CHM: variants seen among roughly 807,000 people sequenced by gnomAD.
The protein encoded by CHM is rab proteins geranylgeranyltransferase component A 1.
CHM carries 10 observed loss-of-function variants against 49.0 expected under a neutral mutation model. The observed-to-expected ratio is 0.20, with a 90% CI of 0.13 to 0.35. CHM has a LOEUF of 0.35. Ranked by LOEUF, CHM falls within the 10% of genes least tolerant of loss-of-function variation. The pLI is 1.00. For missense variants in CHM, 455 were observed against 478.4 expected (o/e 0.95, Z 0.46); for synonymous variants, 184 against 167.5 (o/e 1.10, Z -0.76).
chrX:85,904,759 A>G (rs62608229), intron 9 of CHM, among the ~76,000 whole-genome samples: 19,011 of 110,964 alleles, frequency 0.17, 1,541 homozygotes, highest in Non-Finnish European at 0.25. Flanking sequence ...AAAACACTCT[A>G]CTAGTTCTAA....
intron 2 of CHM, among the ~76,000 whole-genome samples, chrX:86,001,626 GA>G (rs969742254): frequency 9.1e-6 from 1 of 110,176 alleles, no homozygotes; most frequent in African/African-American, 3.3e-5. Context: ...TAAACAACCA[GA>G]ACTCACGTGA....
rs1156779489 is a variant in CHM, at chrX:85,861,277, GAAT to G, written c.*3350_*3352del. On this transcript the variant is annotated 3_prime_UTR_variant, in exon 15 of 15. Transcript: ENST00000357749. The stretch of plus-strand genomic sequence containing the variant: ...TATTCATGCTTTTTGAAATATATCT[GAAT>G]AAAAGACAAATTATTCAATATCAAT... 45 of 111,738 alleles carry G rather than the reference GAAT, an allele frequency of 4.0e-4. No homozygotes were observed. Among genetic ancestry groups the G allele is most frequent in the African/African-American group, 1.5e-3 (45 of 30,826 alleles). 9.2% of individuals were successfully genotyped at this position (111,738 alleles called of 1,213,427 possible).
chrX:85,864,523 T>C lies in CHM; in HGVS notation c.*107A>G. 1 of 713,452 alleles carries C rather than the reference T, an allele frequency of 1.4e-6. No individual in the cohort carries two copies. 58.8% of individuals were successfully genotyped at this position (713,452 alleles called of 1,213,427 possible). On this transcript the variant is annotated 3_prime_UTR_variant, in exon 15 of 15. Coordinates refer to ENST00000357749, the MANE Select transcript of CHM (RefSeq NM_000390.4). ...TGGATTTCTATTACCTATTTTGCCT[T>C]ATAATTGCTGCTGCTTTCTAACATT...
chrX:85,986,505 T>G (rs901846861), intron 2 of CHM, among the ~76,000 whole-genome samples: 5 of 111,301 alleles, frequency 4.5e-5, no homozygotes, highest in Non-Finnish European at 9.4e-5. Context: ...AACTAACCAG[T>G]ACACTTAAAT....
chrX:85,933,563 T>A (rs1928559831), intron 8 of CHM, among the ~76,000 whole-genome samples: 1 of 112,165 alleles, frequency 8.9e-6, no homozygotes, highest in Non-Finnish European at 1.9e-5. Flanking sequence ...AACACAAAGT[T>A]AGGATCAAAG....
chrX:85,880,143 G>T (rs1190802273), intron 12 of CHM, among the ~76,000 whole-genome samples: 2 of 110,842 alleles, frequency 1.8e-5, no homozygotes, highest in African/African-American at 6.5e-5. Flanking sequence ...TCCACTAAAG[G>T]AAGTATATTT....
intron 4 of CHM, chrX:85,969,103 C>CAA (rs1225984634): frequency 1.4e-6 from 1 of 691,407 alleles, no homozygotes; most frequent in African/African-American, 2.4e-5. Flanking sequence ...ATTCCTATTG[C>CAA]AAAAAAATCT....
At chrX:85,957,338 G>A (rs1416688751) in intron 7 of CHM, among the ~76,000 whole-genome samples, 1 of 110,915 alleles carries the variant, frequency 9.0e-6, no homozygotes, top group Non-Finnish European at 1.9e-5. Flanking sequence ...TCAAAGCCAA[G>A]AATAGAAACC....
chrX:85,939,686 C>T (rs1928993616), intron 8 of CHM, among the ~76,000 whole-genome samples: 1 of 112,092 alleles, frequency 8.9e-6, no homozygotes, highest in Non-Finnish European at 1.9e-5. Flanking sequence ...GCACATTATT[C>T]CCCCCATATT....
intron 12 of CHM, among the ~76,000 whole-genome samples, chrX:85,880,334 A>G (rs1924684290): frequency 9.0e-6 from 1 of 111,432 alleles, no homozygotes; most frequent in South Asian, 3.7e-4. Flanking sequence ...ACTTTTTTCA[A>G]ATGCTGTATA....
At chrX:86,014,266 T>C (rs763630427) in intron 2 of CHM, among the ~76,000 whole-genome samples, 1 of 111,748 alleles carries the variant, frequency 8.9e-6, no homozygotes, top group Non-Finnish European at 1.9e-5. Context: ...ATATCGGCAC[T>C]TTCCTCCCAA....
intron 4 of CHM, chrX:85,969,320 C>T (rs938735279): frequency 4.0e-6 from 3 of 741,315 alleles, no homozygotes; most frequent in Non-Finnish European, 3.2e-6. Flanking sequence ...ATGCAATTAA[C>T]AAGCAACGAT....
intron 12 of CHM, among the ~76,000 whole-genome samples, chrX:85,883,935 T>C (rs774342924): frequency 1.8e-5 from 2 of 111,044 alleles, no homozygotes; most frequent in East Asian, 5.6e-4. Context: ...TCAAAATGTC[T>C]AGTGTATGAG....
intron 8 of CHM, among the ~76,000 whole-genome samples, chrX:85,917,842 C>T (rs1349004065): frequency 4.6e-5 from 5 of 109,867 alleles, no homozygotes; most frequent in Admixed American, 3.9e-4. Flanking sequence ...AGTGATGCTT[C>T]GAATCAACAC....
At chrX:85,949,951 A>G (rs1331497830) in intron 8 of CHM, among the ~76,000 whole-genome samples, 1 of 86,347 alleles carries the variant, frequency 1.2e-5, no homozygotes, top group Non-Finnish European at 2.2e-5. Context: ...CTGAAATAAA[A>G]GCTTTGAGCA....
intron 1 of CHM, among the ~76,000 whole-genome samples, chrX:86,044,085 T>G (rs988375107): frequency 2.7e-5 from 3 of 111,738 alleles, no homozygotes; most frequent in Non-Finnish European, 5.6e-5. Context: ...ATGAAAAGCC[T>G]ACATTGTCTT....
chrX:85,981,694 A>G (rs1356906088), intron 3 of CHM, 43 bp downstream of exon 3: 2 of 958,804 alleles, frequency 2.1e-6, no homozygotes, highest in East Asian at 6.4e-5. Context: ...TATGTAACAT[A>G]CAATAAAACA....
intron 1 of CHM, among the ~76,000 whole-genome samples, chrX:86,028,034 T>C (rs950422397): frequency 7.5e-4 from 84 of 112,333 alleles, no homozygotes; most frequent in African/African-American, 2.6e-3. Context: ...GTGCTGAGAT[T>C]ATAGGCGTGA....
rs772215411 is a variant in CHM, at chrX:85,898,085, C to T, written c.1413+2561G>A. 2.7e-5 allele frequency among the ~76,000 whole-genome samples: 3 copies of T among 110,632 alleles called. No homozygotes were observed. The East Asian group carries it at 8.6e-4, about 32-fold the overall frequency. On this transcript the variant is annotated intron_variant, in intron 11 of 14. Coordinates refer to ENST00000357749, the MANE Select transcript of CHM (RefSeq NM_000390.4). ...TGGAAGGATAGGAGCAGATTAATGC[C>T]ACTATAGATTCATGACCTTCAGACT...
Sources: gnomAD v4.1 joint callset for allele counts (sites outside exome capture counted in the v4.1 genomes callset) on GRCh38, gnomAD v4.1.1 for gene constraint, MANE v1.5 for transcripts, NCBI Gene and HGNC (gene_info 2026-07-23, HGNC 2026-07-21) for gene names.